VPS33A: variants seen among roughly 807,000 people sequenced by gnomAD.
VPS33A encodes VPS33A core subunit of CORVET and HOPS complexes.
In VPS33A, 32 loss-of-function variants were observed where a neutral mutation model predicts 71.8. That is an observed-to-expected ratio of 0.45 (90% CI 0.34 to 0.60). VPS33A has a LOEUF of 0.60. Among genes scored for constraint, VPS33A ranks in the 20% least tolerant of loss-of-function variants. VPS33A has a pLI of 0.02. For missense variants in VPS33A, 625 were observed against 748.5 expected, an observed-to-expected ratio of 0.84 and a Z score of 1.92; for synonymous variants, 311 against 292.7, an observed-to-expected ratio of 1.06 and a Z score of -0.64.
chr12:122,237,129 A>C (rs1419196420), intron 10 of VPS33A, among the ~76,000 whole-genome samples: 3 of 152,240 alleles, frequency 2.0e-5, no homozygotes, highest in Non-Finnish European at 4.4e-5. Context: ...CAGCAAATAA[A>C]TACTACCTGA....
chr12:122,252,330 G>A (rs1013831857), intron 4 of VPS33A, among the ~76,000 whole-genome samples: 4 of 151,652 alleles, frequency 2.6e-5, no homozygotes, highest in Non-Finnish European at 5.9e-5. Context: ...GTGCAGTGGC[G>A]CGATCTCGGC....
At chr12:122,259,570 CTT>C (rs1954965639) in intron 4 of VPS33A, among the ~76,000 whole-genome samples, 1 of 152,114 alleles carries the variant, frequency 6.6e-6, no homozygotes, top group Non-Finnish European at 1.5e-5. Flanking sequence ...CACATAAAAA[CTT>C]TTCACAATAT....
chr12:122,238,647 G>A lies in VPS33A; in HGVS notation c.1242C>T (p.Ser414=). The change falls in exon 10 of 13, where the codon TCC becomes TCT. Residue 414 remains serine (S), a synonymous_variant. Coordinates refer to ENST00000267199, the MANE Select transcript of VPS33A (RefSeq NM_022916.6). ...IKVLRLVCLQ[S]VCNSGLKQKV... is the part of the protein sequence containing the mutation. ...TTTGTTTGAGCCCACTATTACACAC[G>A]GATTGGAGGCAAACTAGTCTTAACA... is the stretch of plus-strand genomic sequence containing the variant. The A allele has an allele frequency of 2.5e-6, 4 of 1,613,880 alleles. No homozygotes were observed. Among genetic ancestry groups the A allele is most frequent in the African/African-American group, 2.7e-5 (2 of 74,992 alleles).
chr12:122,248,796 A>C (rs1954808282), intron 6 of VPS33A: 1 of 152,192 alleles, frequency 6.6e-6, no homozygotes, highest in African/African-American at 2.4e-5. Context: ...GGCTGCAAGG[A>C]TGTGTGCGTC....
At chr12:122,244,441 T>C in intron 7 of VPS33A, 128 bp downstream of exon 7, 2 of 767,430 alleles carry the variant, frequency 2.6e-6, no homozygotes, top group Non-Finnish European at 4.0e-6. Flanking sequence ...CTGCAGTTAC[T>C]GAAGATGAGA....
chr12:122,250,014 C>A lies in VPS33A; in HGVS notation c.632G>T (p.Arg211Ile), dbSNP rs771415707. The change falls in exon 6 of 13, where the codon AGA becomes ATA. Residue 211 changes from arginine to isoleucine, a missense_variant. Physicochemically the swap from Arg to Ile is moderately conservative, Grantham distance 97 (BLOSUM62 -3). Coordinates refer to ENST00000267199, the MANE Select transcript of VPS33A (RefSeq NM_022916.6). ...TGAATTCTGGCTTCCTGTAAACTCT[C>A]TCTTCATCCTGATCATCATATTGGC... ...QVANMMIRMK[R>I]EFTGSQNSIF... The A allele has an allele frequency of 6.2e-7, 1 of 1,612,788 alleles. No individual in the cohort carries two copies. The highest frequency in any genetic ancestry group is 2.2e-5 in the East Asian group (1 of 44,822).
In VPS33A at chr12:122,266,467, G is replaced by C; in HGVS notation, c.-59C>G. On this transcript the variant is annotated 5_prime_UTR_variant, in exon 1 of 13. Coordinates refer to ENST00000267199, the MANE Select transcript of VPS33A (RefSeq NM_022916.6). ...CCGAGTCCGCCGGTTCCTACGGGAG[G>C]ACCACGGACGCAGTCACGTGACCAA... 1.3e-6 allele frequency: 2 copies of C among 1,573,988 alleles called. No individual in the cohort carries two copies. Among genetic ancestry groups the C allele is most frequent in the Admixed American group, 1.8e-5 (1 of 56,704 alleles).
At chr12:122,247,773 T>C (rs1324618712) in intron 6 of VPS33A, among the ~76,000 whole-genome samples, 2 of 152,182 alleles carry the variant, frequency 1.3e-5, no homozygotes, top group Non-Finnish European at 2.9e-5. Context: ...CTGTAGCCAA[T>C]AAGTGGTGAC....
intron 1 of VPS33A, among the ~76,000 whole-genome samples, chr12:122,265,204 C>T (rs1448823702): frequency 6.6e-6 from 1 of 152,090 alleles, no homozygotes. Context: ...CACCGCACTT[C>T]CTATTCCACC....
intron 1 of VPS33A, 27 bp from the exon 2 acceptor site, chr12:122,264,226 A>C: frequency 8.1e-6 from 12 of 1,479,248 alleles, no homozygotes; most frequent in Non-Finnish European, 1.1e-5. Context: ...ACATTCTCTT[A>C]TTATAGTTAA....
intron 3 of VPS33A, among the ~76,000 whole-genome samples, chr12:122,262,057 G>T (rs1189733919): frequency 6.6e-6 from 1 of 151,966 alleles, no homozygotes; most frequent in African/African-American, 2.4e-5. Flanking sequence ...TGGGCATGGT[G>T]GTGTGTGCCT....
chr12:122,239,562 G>A (rs1386202290), intron 9 of VPS33A, among the ~76,000 whole-genome samples: 32 of 151,956 alleles, frequency 2.1e-4, no homozygotes, highest in Admixed American at 3.3e-4. Flanking sequence ...GTGAAACCCC[G>A]TCTCTATTAA....
At chr12:122,255,748 T>C (rs1331970988) in intron 4 of VPS33A, among the ~76,000 whole-genome samples, 5 of 136,934 alleles carry the variant, frequency 3.7e-5, no homozygotes, top group African/African-American at 1.1e-4. Flanking sequence ...GAAAGTCCCC[T>C]GGTTATAGGA....
chr12:122,250,356 G>A (rs1356338749), intron 5 of VPS33A, among the ~76,000 whole-genome samples: 2 of 152,232 alleles, frequency 1.3e-5, no homozygotes, highest in Admixed American at 6.5e-5. Context: ...GTTCCTAGGA[G>A]AAACGCAGAC....
At chr12:122,254,403 G>A (rs868687958) in intron 4 of VPS33A, among the ~76,000 whole-genome samples, 30 of 42,474 alleles carry the variant, frequency 7.1e-4, no homozygotes, top group African/African-American at 4.5e-3. Flanking sequence ...CCACCCCCCC[G>A]CCTTTTTTTT....
rs558073071 is a variant in VPS33A, at chr12:122,243,082, C to G, written c.970-574G>C. 5.3e-5 allele frequency among the ~76,000 whole-genome samples: 8 copies of G among 152,280 alleles called. No homozygotes were observed. In the South Asian group the frequency reaches 6.2e-4, roughly 12 times the overall value. On this transcript the variant is annotated intron_variant, in intron 7 of 12. Transcript: ENST00000267199. ...GTCTTCCAATGTACCAGCTTAAACA[C>G]TGTGTCAGTATTTTGTGGACATCTG...
At chr12:122,239,401 T>G (rs951817910) in intron 9 of VPS33A, among the ~76,000 whole-genome samples, 1 of 152,040 alleles carries the variant, frequency 6.6e-6, no homozygotes, top group African/African-American at 2.4e-5. Context: ...TATCTGTTAC[T>G]TGATAAAATC....
chr12:122,254,400 C>T (rs928814835), intron 4 of VPS33A, among the ~76,000 whole-genome samples: 1 of 113,124 alleles, frequency 8.8e-6, no homozygotes. Context: ...AATCCACCCC[C>T]CCGCCTTTTT....
rs183003407 is a variant in VPS33A, at chr12:122,266,437, G to A, written c.-29C>T. ...GCTCCACCACCCCCTGCCCCACAAC[G>A]CCAACCGAGTCCGCCGGTTCCTACG... On this transcript the variant is annotated 5_prime_UTR_variant, in exon 1 of 13. Coordinates refer to ENST00000267199, the MANE Select transcript of VPS33A (RefSeq NM_022916.6). The A allele has an allele frequency of 8.6e-5, 137 of 1,593,862 alleles. No homozygotes were observed. The East Asian group carries it at 2.7e-3, about 31-fold the overall frequency.
Sources: gnomAD v4.1 joint callset for allele counts (sites outside exome capture counted in the v4.1 genomes callset) on GRCh38, gnomAD v4.1.1 for gene constraint, MANE v1.5 for transcripts, NCBI Gene and HGNC (gene_info 2026-07-23, HGNC 2026-07-21) for gene names.